The following ANAPC10 variants were observed in gnomAD, a reference collection of about 807,000 sequenced individuals.
ANAPC10 encodes the protein anaphase-promoting complex subunit 10.
In ANAPC10, 12 loss-of-function variants were observed where a neutral mutation model predicts 22.0. The ratio of observed to expected loss-of-function variants is 0.55; its 90% CI spans 0.35 to 0.88. ANAPC10 has a LOEUF of 0.88. ANAPC10 is among the 40% of genes least tolerant of loss of function. ANAPC10 has a pLI of 0.01. For synonymous variants in ANAPC10, 65 were observed against 69.5 expected (o/e 0.94, Z 0.32); for missense variants, 188 against 220.9 (o/e 0.85, Z 0.94).
At chr4:144,998,253 T>C (rs2126833646) in intron 4 of ANAPC10, among the ~76,000 whole-genome samples, 1 of 152,132 alleles carries the variant, frequency 6.6e-6, no homozygotes, top group East Asian at 1.9e-4. Context: ...CACAGAACTT[T>C]CCACCCCAAA....
chr4:144,996,425 G>T (rs568793140), intron 4 of ANAPC10, among the ~76,000 whole-genome samples: 2 of 152,270 alleles, frequency 1.3e-5, no homozygotes, highest in African/African-American at 4.8e-5. Flanking sequence ...TGCTGTGCTG[G>T]TCTAAGGAGG....
At chr4:145,043,395 C>G (rs1005873758) in intron 4 of ANAPC10, among the ~76,000 whole-genome samples, 1 of 152,050 alleles carries the variant, frequency 6.6e-6, no homozygotes, top group African/African-American at 2.4e-5. Flanking sequence ...GGGAATTCTA[C>G]ACTAGTCTTG....
intron 4 of ANAPC10, among the ~76,000 whole-genome samples, chr4:145,039,635 G>T (rs182412755): frequency 6.6e-6 from 1 of 151,466 alleles, no homozygotes; most frequent in African/African-American, 2.4e-5. Context: ...TCGCTCTGTC[G>T]CCTGGCTGGA....
At position 145,057,446 on chromosome 4, in the gene ANAPC10, CCT is replaced by C. The variant is rs539360587; in HGVS notation, c.327+7124_327+7125del. ...TTTTCTTCTCATCTTTCTGAGAGTT[CCT>C]CTCAGCTTTCTTCACTGGATAACCT... On this transcript the variant is annotated intron_variant, in intron 4 of 4. Coordinates refer to ENST00000507656, the MANE Select transcript of ANAPC10 (RefSeq NM_001256706.2). Among the ~76,000 whole-genome samples the C allele has an allele frequency of 4.4e-3, 666 of 152,108 alleles. 3 individuals are homozygous for C. Among genetic ancestry groups the C allele is most frequent in the African/African-American group, 0.015 (612 of 41,492 alleles).
intron 2 of ANAPC10, among the ~76,000 whole-genome samples, chr4:145,089,548 T>C (rs749136151): frequency 1.3e-5 from 2 of 152,184 alleles, no homozygotes; most frequent in African/African-American, 2.4e-5. Context: ...GTTTTTCCAG[T>C]CTCTTAGGTA....
chr4:145,057,679 A>G (rs144837276), intron 4 of ANAPC10, among the ~76,000 whole-genome samples: 46 of 152,236 alleles, frequency 3.0e-4, no homozygotes, highest in African/African-American at 1.0e-3. Flanking sequence ...GAGATACCAG[A>G]TATCAGTGAC....
At chr4:145,048,584 T>C (rs1740660028) in intron 4 of ANAPC10, among the ~76,000 whole-genome samples, 1 of 152,104 alleles carries the variant, frequency 6.6e-6, no homozygotes, top group South Asian at 2.1e-4. Flanking sequence ...CATCTACTGG[T>C]AGTTGACAGC....
At chr4:145,011,336 A>AAAAATAAAATAAAAGAAAATAAAAT (rs1734274944) in intron 4 of ANAPC10, among the ~76,000 whole-genome samples, 1 of 130,076 alleles carries the variant, frequency 7.7e-6, no homozygotes, top group Admixed American at 8.3e-5. Context: ...GACTGTCTTA[A>AAAAATAAAATAAAAGAAAATAAAAT]AAAATAAAAT....
At chr4:145,019,801 T>C (rs544137363) in intron 4 of ANAPC10, among the ~76,000 whole-genome samples, 33 of 152,218 alleles carry the variant, frequency 2.2e-4, no homozygotes, top group Admixed American at 1.3e-3. Context: ...AAGGCTACTA[T>C]GAATATGTTT....
chr4:145,029,946 G>A (rs1160812796), intron 4 of ANAPC10, among the ~76,000 whole-genome samples: 2 of 152,024 alleles, frequency 1.3e-5, no homozygotes, highest in African/African-American at 2.4e-5. Flanking sequence ...TGAGAACCAC[G>A]GTCACTCAAC....
At chr4:145,081,512 T>C (rs1278880191) in intron 3 of ANAPC10, 148 bp downstream of exon 3, 2 of 512,474 alleles carry the variant, frequency 3.9e-6, no homozygotes, top group African/African-American at 3.9e-5. Flanking sequence ...ATAATCTAAC[T>C]GAACTGAAAA....
intron 4 of ANAPC10, among the ~76,000 whole-genome samples, chr4:145,019,992 A>C (rs1437330074): frequency 6.6e-6 from 1 of 152,186 alleles, no homozygotes; most frequent in Non-Finnish European, 1.5e-5. Flanking sequence ...TCACAGCAGA[A>C]TTCTACCAGA....
intron 2 of ANAPC10, among the ~76,000 whole-genome samples, chr4:145,094,630 T>C (rs538982836): frequency 6.6e-6 from 1 of 152,258 alleles, no homozygotes; most frequent in African/African-American, 2.4e-5. Flanking sequence ...ACTAATAACA[T>C]TATAAAGTCC....
At chr4:145,077,161 T>G (rs567794440) in intron 3 of ANAPC10, among the ~76,000 whole-genome samples, 7 of 151,992 alleles carry the variant, frequency 4.6e-5, no homozygotes, top group Non-Finnish European at 1.0e-4. Flanking sequence ...ATCGTGCCAC[T>G]GCACTCCAGC....
At chr4:145,008,520 G>A (rs957201419) in intron 4 of ANAPC10, among the ~76,000 whole-genome samples, 4 of 152,164 alleles carry the variant, frequency 2.6e-5, no homozygotes, top group Non-Finnish European at 5.9e-5. Context: ...TGGGATGCAA[G>A]GCTGGTTCAA....
chr4:145,008,738 A>G (rs1733821123), intron 4 of ANAPC10, among the ~76,000 whole-genome samples: 1 of 152,224 alleles, frequency 6.6e-6, no homozygotes, highest in Admixed American at 6.5e-5. Context: ...TATCATACTG[A>G]ATGGGCAAAA....
intron 4 of ANAPC10, among the ~76,000 whole-genome samples, chr4:145,027,239 G>A (rs1362516266): frequency 6.6e-6 from 1 of 150,640 alleles, no homozygotes; most frequent in African/African-American, 2.4e-5. Context: ...CTTCACCTCA[G>A]GTGATCTGCC....
chr4:145,093,525 C>CA (rs1748029169), intron 2 of ANAPC10, among the ~76,000 whole-genome samples: 1 of 149,596 alleles, frequency 6.7e-6, no homozygotes, highest in African/African-American at 2.5e-5. Flanking sequence ...TTGGAACTAC[C>CA]AGACAGGAAT....
At chr4:145,054,447 A>G (rs1178306003) in intron 4 of ANAPC10, among the ~76,000 whole-genome samples, 2 of 150,854 alleles carry the variant, frequency 1.3e-5, no homozygotes, top group African/African-American at 4.9e-5. Flanking sequence ...AGTCCCAGCT[A>G]CTTGGGAGGC....
Sources: gnomAD v4.1 joint callset for allele counts (sites outside exome capture counted in the v4.1 genomes callset) on GRCh38, gnomAD v4.1.1 for gene constraint, MANE v1.5 for transcripts, NCBI Gene and HGNC (gene_info 2026-07-23, HGNC 2026-07-21) for gene names.